Variants in CERS3 observed in about 807,000 individuals in gnomAD.
The protein encoded by CERS3 is ceramide synthase 3.
CERS3 carries 33 observed loss-of-function variants against 50.3 expected under a neutral mutation model. The ratio of observed to expected loss-of-function variants is 0.66; its 90% CI spans 0.50 to 0.88. CERS3 has a LOEUF of 0.88. CERS3 is among the 40% of genes least tolerant of loss of function. The pLI, the probability that CERS3 is intolerant of heterozygous loss-of-function variation, is 0.00. For synonymous variants in CERS3, 176 were observed against 155.2 expected, an observed-to-expected ratio of 1.13 and a Z score of -0.99; for missense variants, 470 against 460.3, an observed-to-expected ratio of 1.02 and a Z score of -0.19.
chr15:100,536,886 T>A (rs1214824820), intron 1 of CERS3, among the ~76,000 whole-genome samples: 1 of 152,218 alleles, frequency 6.6e-6, no homozygotes, highest in African/African-American at 2.4e-5. Context: ...GGGCTGTTGA[T>A]AACATGTCAT....
intron 11 of CERS3, among the ~76,000 whole-genome samples, chr15:100,420,837 G>T (rs902214578): frequency 2.0e-5 from 3 of 152,018 alleles, no homozygotes; most frequent in Non-Finnish European, 2.9e-5. Flanking sequence ...AAAACCACAT[G>T]ATTGTCTCAA....
intron 11 of CERS3, among the ~76,000 whole-genome samples, chr15:100,430,274 T>C (rs923025381): frequency 5.3e-5 from 8 of 150,502 alleles, no homozygotes; most frequent in Non-Finnish European, 7.4e-5. Context: ...ATCACGCCAC[T>C]GCACTCCAGC....
intron 5 of CERS3, among the ~76,000 whole-genome samples, chr15:100,482,613 A>T (rs985062251): frequency 6.3e-3 from 26 of 4,122 alleles, no homozygotes; most frequent in East Asian, 0.057. Flanking sequence ...TTTTTTTTTA[A>T]AAAAAAGGGC....
At position 100,401,324 on chromosome 15, in the gene CERS3, G is replaced by A. The variant is rs1259847287; in HGVS notation, c.*1389C>T. 6.6e-6 allele frequency: 1 copy of A among 152,360 alleles called. No individual in the cohort carries two copies. The highest frequency in any genetic ancestry group is 1.9e-4 in the East Asian group (1 of 5,194). 9.4% of individuals were successfully genotyped at this position (152,360 alleles called of 1,614,324 possible). On this transcript the variant is annotated 3_prime_UTR_variant, in exon 12 of 12. Transcript: ENST00000679737. ...GCCTCTCCTCAGCCAGCAGCCACCTGAGAAGTCTCCCAGGTCAGCCCTGCA... is the reference window on the plus strand; with the variant it reads ...GCCTCTCCTCAGCCAGCAGCCACCTAAGAAGTCTCCCAGGTCAGCCCTGCA...
At chr15:100,523,172 C>T (rs1422025375) in intron 1 of CERS3, among the ~76,000 whole-genome samples, 3 of 152,100 alleles carry the variant, frequency 2.0e-5, no homozygotes, top group Non-Finnish European at 4.4e-5. Context: ...TCTGTTGTGG[C>T]GGTCTATCTT....
chr15:100,424,902 A>G (rs1403105118), intron 11 of CERS3, among the ~76,000 whole-genome samples: 2 of 152,180 alleles, frequency 1.3e-5, no homozygotes, highest in Non-Finnish European at 2.9e-5. Flanking sequence ...CAATGGGGAA[A>G]AATGCCTCCA....
At chr15:100,506,086 A>ATAAG (rs2036170290) in intron 2 of CERS3, among the ~76,000 whole-genome samples, 1 of 151,850 alleles carries the variant, frequency 6.6e-6, no homozygotes, top group African/African-American at 2.4e-5. Flanking sequence ...AAACAAACAA[A>ATAAG]CAAACAATCA....
chr15:100,471,952 A>C (rs553550362), intron 9 of CERS3, among the ~76,000 whole-genome samples: 6 of 152,320 alleles, frequency 3.9e-5, no homozygotes, highest in African/African-American at 1.4e-4. Context: ...AGGGTATTTG[A>C]AAAAGCAAAA....
At chr15:100,429,581 C>G (rs1248994231) in intron 11 of CERS3, among the ~76,000 whole-genome samples, 4 of 152,146 alleles carry the variant, frequency 2.6e-5, no homozygotes, top group South Asian at 2.1e-4. Flanking sequence ...CCACGCATTC[C>G]TCCAAGTTCT....
At chr15:100,432,742 A>T (rs1324166198) in intron 11 of CERS3, among the ~76,000 whole-genome samples, 1 of 152,144 alleles carries the variant, frequency 6.6e-6, no homozygotes, top group East Asian at 1.9e-4. Flanking sequence ...GTATGTATTT[A>T]GCCTGCAGAA....
chr15:100,446,168 C>G (rs1052045546), intron 11 of CERS3, among the ~76,000 whole-genome samples: 3 of 152,226 alleles, frequency 2.0e-5, no homozygotes, highest in Admixed American at 2.0e-4. Flanking sequence ...CACACAAAGC[C>G]TGTTTGGTGG....
intron 2 of CERS3, among the ~76,000 whole-genome samples, chr15:100,518,959 C>T (rs576072355): frequency 3.2e-4 from 48 of 152,210 alleles, no homozygotes; most frequent in Non-Finnish European, 6.2e-4. Flanking sequence ...GTCAGGAGTA[C>T]GAGACCAGCC....
At chr15:100,497,955 G>T (rs1013583561) in intron 3 of CERS3, among the ~76,000 whole-genome samples, 1 of 150,050 alleles carries the variant, frequency 6.7e-6, no homozygotes, top group Non-Finnish European at 1.5e-5. Context: ...GTGCAGTGGC[G>T]TGATCTCGGC....
intron 10 of CERS3, among the ~76,000 whole-genome samples, chr15:100,458,230 C>A (rs1282075579): frequency 6.6e-6 from 1 of 152,058 alleles, no homozygotes; most frequent in African/African-American, 2.4e-5. Flanking sequence ...TTAACATTTC[C>A]CCTATGTCTG....
chr15:100,449,378 G>T lies in CERS3; in HGVS notation c.999+6515C>A, dbSNP rs137916897. On this transcript the variant is annotated intron_variant, in intron 11 of 11. Coordinates refer to ENST00000679737, the MANE Select transcript of CERS3 (RefSeq NM_001378789.1). ...TGCCCATGCCACAGCTTCTGCCTAG[G>T]GGCCCAAAGGCCAACCTACCTCCTG... is the stretch of plus-strand genomic sequence containing the variant. 3.0e-3 allele frequency among the ~76,000 whole-genome samples: 451 copies of T among 152,276 alleles called. 1 individual carries two copies. The highest frequency in any genetic ancestry group is 5.0e-3 in the Non-Finnish European group (339 of 68,022).
intron 4 of CERS3, among the ~76,000 whole-genome samples, chr15:100,488,818 C>T (rs2035562443): frequency 6.7e-6 from 1 of 149,942 alleles, no homozygotes; most frequent in Non-Finnish European, 1.5e-5. Flanking sequence ...CACTCTGTCA[C>T]CAGGCTGGAC....
At chr15:100,486,068 G>A (rs1203611709) in intron 4 of CERS3, among the ~76,000 whole-genome samples, 1 of 152,192 alleles carries the variant, frequency 6.6e-6, no homozygotes, top group Non-Finnish European at 1.5e-5. Flanking sequence ...CGCTTCCAGA[G>A]AAAACGTGCA....
intron 11 of CERS3, among the ~76,000 whole-genome samples, chr15:100,453,770 G>A (rs1487698018): frequency 1.3e-5 from 2 of 152,080 alleles, no homozygotes; most frequent in African/African-American, 4.8e-5. Flanking sequence ...ACCAAAAAAA[G>A]CCTTAGATCT....
chr15:100,421,416 G>T (rs561074371), intron 11 of CERS3, among the ~76,000 whole-genome samples: 1 of 152,026 alleles, frequency 6.6e-6, no homozygotes. Context: ...ACAAACCACT[G>T]CTCAAGGAAG....
Sources: allele counts gnomAD v4.1 joint callset (sites outside exome capture counted in the v4.1 genomes callset), GRCh38; gene constraint gnomAD v4.1.1; transcripts MANE v1.5; gene names NCBI Gene and HGNC (gene_info 2026-07-23, HGNC 2026-07-21).